Variants in GDA observed in about 807,000 individuals in gnomAD.
GDA encodes guanine deaminase.
In GDA, 18 loss-of-function variants were observed where a neutral mutation model predicts 59.6. The observed-to-expected ratio is 0.30, with a 90% CI of 0.21 to 0.45. GDA has a LOEUF of 0.45. Ranked by LOEUF, GDA falls within the 20% of genes least tolerant of loss-of-function variation. The probability of loss-of-function intolerance (pLI) is 1.00; values close to 1 mark genes in which losing one functional copy is unlikely to be tolerated. For synonymous variants in GDA, 201 were observed against 201.1 expected (o/e 1.00, Z 0.00); for missense variants, 427 against 552.3 (o/e 0.77, Z 2.27).
At chr9:72,254,138 G>A (rs1001091442), downstream of GDA, among the ~76,000 whole-genome samples, 2 of 152,054 alleles carry the variant, frequency 1.3e-5, no homozygotes, top group African/African-American at 4.8e-5. Context: ...AGGATAAAAG[G>A]GAGATGTTCT....
rs1455999525 is a variant in GDA, at chr9:72,149,476, C to T, written c.-84C>T. On this transcript the variant is annotated 5_prime_UTR_variant, in exon 1 of 14. Coordinates refer to ENST00000358399, the MANE Select transcript of GDA (RefSeq NM_004293.5). ...GGAGCCTGTGTCCGCCCGGCAGCCG[C>T]CCGCAGCTGCAGAGAGTCCCGCTGC... 9 of 1,521,592 alleles carry T rather than the reference C, an allele frequency of 5.9e-6. No individual in the cohort carries two copies. In the South Asian group the frequency reaches 7.1e-5, roughly 12 times the overall value. 94.3% of individuals were successfully genotyped at this position (1,521,592 alleles called of 1,614,324 possible). A position where few individuals can be genotyped will look rare whatever the true frequency, so the allele number is the denominator to read the frequency against.
At chr9:72,196,883 G>T (rs566386224) in intron 2 of GDA, among the ~76,000 whole-genome samples, 3 of 152,080 alleles carry the variant, frequency 2.0e-5, no homozygotes, top group African/African-American at 7.2e-5. Flanking sequence ...GAAAGTCATG[G>T]CTTCTGGCAT....
In GDA at chr9:72,225,889, T is replaced by TA. The variant is rs1298775479; in HGVS notation, c.822+110dup. On this transcript the variant is annotated intron_variant, in intron 8 of 13. Transcript: ENST00000358399. ...GATTTCTGATATGAATACATTTCTT[T>TA]AAAAATTTTTTTTAAAGTTTTAATT... 5.2e-6 allele frequency: 3 copies of TA among 581,746 alleles called. No homozygotes were observed. The African/African-American group carries it at 5.7e-5, about 11-fold the overall frequency. 36.0% of individuals were successfully genotyped at this position (581,746 alleles called of 1,614,324 possible).
intron 1 of GDA, among the ~76,000 whole-genome samples, chr9:72,179,982 G>A (rs945251776): frequency 1.3e-5 from 2 of 151,824 alleles, no homozygotes; most frequent in South Asian, 2.1e-4. Context: ...CTGGCGGGGG[G>A]GGTTAGGACT....
intron 10 of GDA, among the ~76,000 whole-genome samples, chr9:72,236,311 C>T (rs1324991964): frequency 6.6e-6 from 1 of 152,122 alleles, no homozygotes; most frequent in Non-Finnish European, 1.5e-5. Flanking sequence ...TCCCAAATGG[C>T]CCACCGCTTG....
chr9:72,185,367 A>T (rs957523558), intron 1 of GDA, among the ~76,000 whole-genome samples: 13 of 152,166 alleles, frequency 8.5e-5, no homozygotes, highest in Non-Finnish European at 1.5e-4. Flanking sequence ...AGAATATTGG[A>T]TCTGAAGATC....
chr9:72,145,369 A>T (rs1322895902), upstream of GDA, among the ~76,000 whole-genome samples: 3 of 152,234 alleles, frequency 2.0e-5, no homozygotes, highest in Non-Finnish European at 4.4e-5. Context: ...TCAAGATCCA[A>T]GTCCATCCTA....
At chr9:72,120,716 T>G (rs1376026264) in intron 1 of GDA, among the ~76,000 whole-genome samples, 10 of 152,214 alleles carry the variant, frequency 6.6e-5, no homozygotes, top group African/African-American at 2.4e-4. Context: ...CTAACATGTT[T>G]TATAAGGCCA....
chr9:72,131,737 C>T (rs1029304681), intron 1 of GDA, among the ~76,000 whole-genome samples: 1 of 152,122 alleles, frequency 6.6e-6, no homozygotes, highest in African/African-American at 2.4e-5. Flanking sequence ...CCCATCTTCC[C>T]TCCTCACTGC....
chr9:72,136,750 C>T (rs537474376), intron 1 of GDA, among the ~76,000 whole-genome samples: 5 of 152,152 alleles, frequency 3.3e-5, no homozygotes, highest in Admixed American at 2.6e-4. Flanking sequence ...CCGAGGTGGG[C>T]GGATCACGAG....
intron 1 of GDA, among the ~76,000 whole-genome samples, chr9:72,175,243 T>C (rs1467909423): frequency 1.3e-5 from 2 of 152,172 alleles, no homozygotes; most frequent in Admixed American, 1.3e-4. Flanking sequence ...CATAGCTCAC[T>C]GCAGCCTTGA....
At chr9:72,182,501 A>G (rs1831374653) in intron 1 of GDA, among the ~76,000 whole-genome samples, 2 of 152,206 alleles carry the variant, frequency 1.3e-5, no homozygotes. Flanking sequence ...CTGTGCTCTC[A>G]GTACATCATA....
At chr9:72,221,262 T>G (rs1836823476) in intron 6 of GDA, among the ~76,000 whole-genome samples, 1 of 152,162 alleles carries the variant, frequency 6.6e-6, no homozygotes, top group Non-Finnish European at 1.5e-5. Flanking sequence ...AGCACTCTTT[T>G]AAAACTTCAG....
intron 1 of GDA, among the ~76,000 whole-genome samples, chr9:72,137,453 A>C (rs137862114): frequency 1.3e-4 from 19 of 151,902 alleles, no homozygotes; most frequent in African/African-American, 4.3e-4. Flanking sequence ...TCACTGTGTT[A>C]GCCAGGATGG....
chr9:72,190,632 A>G (rs1832421820), intron 1 of GDA, among the ~76,000 whole-genome samples: 1 of 152,188 alleles, frequency 6.6e-6, no homozygotes, highest in African/African-American at 2.4e-5. Context: ...TAACCCCTGC[A>G]TTATTCAAGG....
rs774075004 is a variant in GDA at position 72,223,204 on chromosome 9, A to G, written c.691A>G (p.Lys231Glu). The G allele has an allele frequency of 1.1e-5, 18 of 1,610,516 alleles. No homozygotes were observed. The highest frequency in any genetic ancestry group is 1.5e-5 in the Non-Finnish European group (18 of 1,176,926). ...GATGGGTGAACTGGGCAACATTGCT[A>G]AAACCCGTGATTTGCACATTCAGGT... is the stretch of plus-strand genomic sequence containing the variant. ...TLMGELGNIA[K>E]TRDLHIQSHI... The change falls in exon 7 of 14, where the codon AAA (lysine) becomes GAA (glutamate). Residue 231 changes from lysine (K) to glutamate (E), a missense_variant. Lys to Glu is a moderately conservative substitution (Grantham distance 56). Coordinates refer to ENST00000358399, the MANE Select transcript of GDA (RefSeq NM_004293.5).
At chr9:72,196,377 C>T (rs2131278458) in intron 2 of GDA, among the ~76,000 whole-genome samples, 1 of 151,420 alleles carries the variant, frequency 6.6e-6, no homozygotes, top group African/African-American at 2.4e-5. Context: ...TCCCAGCTAC[C>T]TGGGTGGCTG....
upstream of GDA, among the ~76,000 whole-genome samples, chr9:72,144,382 G>A (rs142304527): frequency 5.9e-4 from 90 of 152,096 alleles, no homozygotes; most frequent in African/African-American, 2.0e-3. Flanking sequence ...ATAATAATAC[G>A]ACATTCACTA....
chr9:72,229,482 A>G (rs1241928016), intron 9 of GDA, among the ~76,000 whole-genome samples: 1 of 152,176 alleles, frequency 6.6e-6, no homozygotes, highest in Non-Finnish European at 1.5e-5. Context: ...TAATCCTTCT[A>G]TTTAATAGAA....
Sources: gnomAD v4.1 joint callset for allele counts (sites outside exome capture counted in the v4.1 genomes callset) on GRCh38, gnomAD v4.1.1 for gene constraint, MANE v1.5 for transcripts, NCBI Gene and HGNC (gene_info 2026-07-23, HGNC 2026-07-21) for gene names.